Variants in PLEKHM2 observed in about 807,000 individuals in gnomAD.
PLEKHM2 encodes pleckstrin homology domain-containing family M member 2.
PLEKHM2 carries 77 observed loss-of-function variants against 116.3 expected under a neutral mutation model. The observed-to-expected ratio is 0.66, with a 90% CI of 0.55 to 0.80. The LOEUF is 0.80. Among genes scored for constraint, PLEKHM2 ranks in the 30% least tolerant of loss-of-function variants. PLEKHM2 has a pLI of 0.00. For missense variants in PLEKHM2, 1,183 were observed against 1,354.9 expected (o/e 0.87, Z 1.99); for synonymous variants, 562 against 571.0 (o/e 0.98, Z 0.22).
At chr1:15,711,686 A>C (rs1426035476) in intron 1 of PLEKHM2, among the ~76,000 whole-genome samples, 1 of 152,182 alleles carries the variant, frequency 6.6e-6, no homozygotes, top group African/African-American at 2.4e-5. Context: ...GAAACTATAA[A>C]GGAAAAGACT....
intron 1 of PLEKHM2, among the ~76,000 whole-genome samples, chr1:15,692,957 T>G (rs1459850519): frequency 1.3e-5 from 2 of 152,060 alleles, no homozygotes; most frequent in African/African-American, 4.8e-5. Flanking sequence ...CAGGCTGGTC[T>G]TGAACTCCTG....
chr1:15,724,649 T>TG (rs924473644), intron 7 of PLEKHM2, among the ~76,000 whole-genome samples: 4 of 152,144 alleles, frequency 2.6e-5, no homozygotes, highest in African/African-American at 9.7e-5. Context: ...CTCATTGCCC[T>TG]GCTCTGTCAT....
At chr1:15,726,973 C>T in intron 8 of PLEKHM2, 41 bp from the exon 9 acceptor site, 1 of 1,344,064 alleles carries the variant, frequency 7.4e-7, no homozygotes, top group South Asian at 1.6e-5. Flanking sequence ...CAGCACTGGA[C>T]TACTCAGGGG....
intron 1 of PLEKHM2, among the ~76,000 whole-genome samples, chr1:15,695,228 G>A (rs1195112572): frequency 6.6e-6 from 1 of 152,210 alleles, no homozygotes; most frequent in Admixed American, 6.5e-5. Context: ...TATTATGCGA[G>A]TACAAGGAAG....
chr1:15,717,081 A>C (rs548424313), intron 3 of PLEKHM2, among the ~76,000 whole-genome samples: 1 of 152,050 alleles, frequency 6.6e-6, no homozygotes, highest in African/African-American at 2.4e-5. Flanking sequence ...GTGAGACCCC[A>C]TCTCTACAAA....
In PLEKHM2 at chr1:15,717,947, G is replaced by A. The variant is rs771509554; in HGVS notation, c.332G>A (p.Arg111Gln). ...GAGAACTCCTTGGAGAGCTACCTGC[G>A]GTTGTTCCAGGAGAACCTGGGCCTG... ...LNENSLESYL[R>Q]LFQENLGLLH... Residue 111 changes from arginine to glutamine, a missense_variant, in exon 4 of 20, where the codon CGG (arginine) becomes CAG (glutamine). Around this residue, in one of 3 missense-constraint regions of PLEKHM2, gnomAD observed 217 missense variants for 277.6 expected, o/e 0.78. Transcript: ENST00000375799. The A allele has an allele frequency of 1.8e-5, 29 of 1,599,878 alleles. No individual in the cohort carries two copies. Among genetic ancestry groups the A allele is most frequent in the Admixed American group, 1.2e-4 (7 of 58,038 alleles).
intron 1 of PLEKHM2, among the ~76,000 whole-genome samples, chr1:15,688,654 A>C (rs2148328441): frequency 6.6e-6 from 1 of 151,504 alleles, no homozygotes; most frequent in Admixed American, 6.6e-5. Flanking sequence ...TGTCTCAAAA[A>C]AAAAAAAAAA....
At chr1:15,709,535 T>G (rs1302026989) in intron 1 of PLEKHM2, among the ~76,000 whole-genome samples, 2 of 152,208 alleles carry the variant, frequency 1.3e-5, no homozygotes, top group Non-Finnish European at 2.9e-5. Context: ...ATAGTCGTTT[T>G]ATAACCCATT....
Position 15,716,814 on chromosome 1 carries a change from G to A in PLEKHM2, c.275G>A (p.Arg92His), listed in dbSNP as rs781052630. 3.2e-6 allele frequency: 5 copies of A among 1,559,558 alleles called. No individual in the cohort carries two copies. Among genetic ancestry groups the A allele is most frequent in the Admixed American group, 3.9e-5 (2 of 51,800 alleles). ...CAGCACGTGGCCACCAACCTGGGGC[G>A]CAGTGAGTAGTCACAAGGAGACGCT... is the stretch of plus-strand genomic sequence containing the variant. Reference protein sequence around the residue: ...VLQHVATNLGRSRAWLYLALN... With the variant: ...VLQHVATNLGHSRAWLYLALN... Residue 92 changes from arginine (R) to histidine (H), a missense_variant and splice_region_variant, in exon 3 of 20, where the codon CGC becomes CAC. Arg to His is a conservative substitution (Grantham distance 29). This residue lies in a region of PLEKHM2 where 217 missense variants were observed against 277.6 expected (regional missense o/e 0.78). Coordinates refer to ENST00000375799, the MANE Select transcript of PLEKHM2 (RefSeq NM_015164.4).
intron 1 of PLEKHM2, among the ~76,000 whole-genome samples, chr1:15,704,078 C>G (rs1179299693): frequency 6.6e-6 from 1 of 152,164 alleles, no homozygotes; most frequent in Non-Finnish European, 1.5e-5. Flanking sequence ...ACCTTGCTTA[C>G]TTTTGAATTT....
Position 15,727,066 on chromosome 1 carries a change from G to A in PLEKHM2, c.994G>A (p.Glu332Lys). ...GAAGAAAAAGAGCAGATCAGATGAG[G>A]AGGCAAGTCCACTCCACCCCGCCTG... ...GKKKKSRSDEEASPLHPACSQ... is the reference protein window; with the variant it reads ...GKKKKSRSDEKASPLHPACSQ... Residue 332 changes from glutamate to lysine, a missense_variant, in exon 9 of 20, where the codon GAG becomes AAG. By Grantham distance (56) the Glu-to-Lys change is moderately conservative. Coordinates refer to ENST00000375799, the MANE Select transcript of PLEKHM2 (RefSeq NM_015164.4). The surrounding 1 kb of genome is among the most constrained non-coding windows in gnomAD (Gnocchi z 7.5). The A allele has an allele frequency of 6.6e-7, 1 of 1,507,046 alleles. No individual in the cohort carries two copies. The highest frequency in any genetic ancestry group is 1.4e-5 in the South Asian group (1 of 73,832). 93.4% of individuals were successfully genotyped at this position (1,507,046 alleles called of 1,614,324 possible). A position where few individuals can be genotyped will look rare whatever the true frequency, so the allele number is the denominator to read the frequency against.
rs1252941701 is a variant in PLEKHM2 at position 15,727,266 on chromosome 1, G to A, written c.1194G>A (p.Met398Ile). 1 of 1,606,186 alleles carries A rather than the reference G, an allele frequency of 6.2e-7. No homozygotes were observed. The highest frequency in any genetic ancestry group is 2.2e-5 in the East Asian group (1 of 44,646). ...AGCCGGGCCTGCTGATCCCTGAGAT[G>A]AAGGACACCTCCATGGAGCGCTTGG... The part of the protein sequence containing the change: ...RSEPGLLIPE[M>I]KDTSMERLGQ... Residue 398 changes from methionine (M) to isoleucine (I), a missense_variant, in exon 9 of 20, where the codon ATG becomes ATA. By Grantham distance (10) the Met-to-Ile change is conservative (BLOSUM62 1). Coordinates refer to ENST00000375799, the MANE Select transcript of PLEKHM2 (RefSeq NM_015164.4). The surrounding 1 kb of genome is among the most constrained non-coding windows in gnomAD (Gnocchi z 7.5).
rs12091644 is a variant in PLEKHM2, at chr1:15,718,450, G to A, written c.378-88G>A. 223,386 of 798,652 alleles carry A rather than the reference G, an allele frequency of 0.28. 37,750 individuals carry two copies. The highest frequency in any genetic ancestry group is 0.68 in the African/African-American group (40,177 of 59,050). 49.5% of individuals were successfully genotyped at this position (798,652 alleles called of 1,614,324 possible). Reference sequence around the variant, plus strand: ...CCAAGGTGGAGGACATCACGTGTCAGATTTCAACACAGCTGGTATGTTGGT... The same window carrying A: ...CCAAGGTGGAGGACATCACGTGTCAAATTTCAACACAGCTGGTATGTTGGT... On this transcript the variant is annotated intron_variant, in intron 4 of 19. Transcript: ENST00000375799.
At chr1:15,683,671 C>T (rs942483457), upstream of PLEKHM2, among the ~76,000 whole-genome samples, 5 of 124,774 alleles carry the variant, frequency 4.0e-5, no homozygotes, top group Non-Finnish European at 6.7e-5. Flanking sequence ...TTGGGGGTCT[C>T]TGAGGAGGGC....
chr1:15,687,741 C>T (rs1241099658), intron 1 of PLEKHM2, among the ~76,000 whole-genome samples: 2 of 152,182 alleles, frequency 1.3e-5, no homozygotes, highest in Admixed American at 6.6e-5. Flanking sequence ...AGTTTGGCTA[C>T]AGCAGTAGAC....
chr1:15,708,516 G>A (rs1641270108), intron 1 of PLEKHM2, among the ~76,000 whole-genome samples: 2 of 152,160 alleles, frequency 1.3e-5, no homozygotes, highest in African/African-American at 2.4e-5. Flanking sequence ...TGCCCGGTCC[G>A]GAACGGCATT....
In PLEKHM2 at chr1:15,719,654, C is replaced by G; in HGVS notation, c.466-80C>G. The G allele has an allele frequency of 2.2e-6, 2 of 925,838 alleles. No individual in the cohort carries two copies. Among genetic ancestry groups the G allele is most frequent in the Non-Finnish European group, 3.4e-6 (2 of 587,122 alleles). 57.4% of individuals were successfully genotyped at this position (925,838 alleles called of 1,614,324 possible). On this transcript the variant is annotated intron_variant, in intron 5 of 19. Transcript: ENST00000375799. The surrounding 1 kb of genome is among the most constrained non-coding windows in gnomAD (Gnocchi z 4.1). ...TCCCAAAGAGGCACATCTGTGTCTC[C>G]CAGGCCTGGATCCTGCTGTCTGCAG...
intron 1 of PLEKHM2, among the ~76,000 whole-genome samples, chr1:15,708,768 C>A (rs1641273844): frequency 6.6e-6 from 1 of 152,092 alleles, no homozygotes; most frequent in Non-Finnish European, 1.5e-5. Context: ...GACCTCCAAC[C>A]CAGGTTTGAT....
At chr1:15,696,889 C>A (rs757042406) in intron 1 of PLEKHM2, among the ~76,000 whole-genome samples, 5 of 152,146 alleles carry the variant, frequency 3.3e-5, no homozygotes, top group Non-Finnish European at 7.4e-5. Context: ...CTTGTATTTA[C>A]GTTTTCAGCC....
Sources: allele counts gnomAD v4.1 joint callset (sites outside exome capture counted in the v4.1 genomes callset), GRCh38; gene constraint gnomAD v4.1.1; regional missense constraint gnomAD v4.1.1; non-coding constraint Gnocchi (gnomAD v3.1); transcripts MANE v1.5; gene names NCBI Gene and HGNC (gene_info 2026-07-23, HGNC 2026-07-21).